The following AGFG2 variants were observed in gnomAD, a reference collection of about 807,000 sequenced individuals.
AGFG2 encodes arf-GAP domain and FG repeat-containing protein 2.
Under a neutral mutation model 48.0 loss-of-function variants are expected in AGFG2, and 31 were observed. That is an observed-to-expected ratio of 0.65 (90% confidence interval 0.49 to 0.87). The LOEUF (loss-of-function observed/expected upper bound fraction) is 0.87, where lower values mean the gene tolerates loss of function less well. Among genes scored for constraint, AGFG2 ranks in the 40% least tolerant of loss-of-function variants. The probability of loss-of-function intolerance (pLI) is 0.00; values close to 1 mark genes in which losing one functional copy is unlikely to be tolerated. For missense variants in AGFG2, 599 were observed against 632.6 expected (o/e 0.95, Z 0.57); for synonymous variants, 229 against 260.8 (o/e 0.88, Z 1.18).
rs1489900178 is a variant in AGFG2 at position 100,562,298 on chromosome 7, C to T, written c.917C>T (p.Ala306Val). 1 of 1,614,006 alleles carries T rather than the reference C, an allele frequency of 6.2e-7. No individual in the cohort carries two copies. The highest frequency in any genetic ancestry group is 2.2e-5 in the East Asian group (1 of 44,870). Residue 306 changes from alanine to valine, a missense_variant, in exon 7 of 12, where the codon GCA becomes GTA. Coordinates refer to ENST00000300176, the MANE Select transcript of AGFG2 (RefSeq NM_006076.5). This position sits in a 1 kb window ranked among gnomAD's most constrained non-coding sequence, Gnocchi z 5.4. ...QGTPFGATPL[A>V]PASQPNSLAD... ...ACTCCATTTGGTGCCACTCCCCTGG[C>T]ACCCGCCAGTCAGCCAAACAGCCTC...
rs113409791 is a variant in AGFG2, at chr7:100,558,862, G to A, written c.877+3127G>A. On this transcript the variant is annotated intron_variant, in intron 6 of 11. Transcript: ENST00000300176. ...CTCAAAAAGCAGTCAGTCACTGGGC[G>A]CAGTGGCTCATACCTGTAATCCCGG... Among the ~76,000 whole-genome samples, 384 of 152,244 alleles carry A rather than the reference G, an allele frequency of 2.5e-3. 5 individuals carry two copies. Among genetic ancestry groups the A allele is most frequent in the African/African-American group, 8.4e-3 (350 of 41,532 alleles).
intron 6 of AGFG2, among the ~76,000 whole-genome samples, chr7:100,560,664 CTCAG>C (rs1191986850): frequency 1.3e-5 from 2 of 152,168 alleles, no homozygotes; most frequent in East Asian, 3.8e-4. Context: ...AGTGCCGACA[CTCAG>C]TGAGAGGGAG....
chr7:100,553,310 A>G (rs1397250218), intron 3 of AGFG2, 37 bp from the exon 4 acceptor site: 3 of 1,613,058 alleles, frequency 1.9e-6, no homozygotes, highest in South Asian at 2.2e-5. Context: ...CCAAAGTTTT[A>G]TCCCTCTCTT....
Position 100,562,769 on chromosome 7 carries a change from T to C in AGFG2, c.1087+87T>C, listed in dbSNP as rs892262330. On this transcript the variant is annotated intron_variant, in intron 8 of 11. Coordinates refer to ENST00000300176, the MANE Select transcript of AGFG2 (RefSeq NM_006076.5). The surrounding 1 kb of genome is among the most constrained non-coding windows in gnomAD (Gnocchi z 5.4). ...CTGGACAGGGTGGGAAGGGGAGAGA[T>C]TGAGAGGAATGCTCAGGCATCACAG... 37 of 1,592,324 alleles carry C rather than the reference T, an allele frequency of 2.3e-5. No homozygotes were observed. The highest frequency in any genetic ancestry group is 2.9e-5 in the Non-Finnish European group (34 of 1,165,314).
At chr7:100,548,551 G>A (rs1348572655) in intron 1 of AGFG2, among the ~76,000 whole-genome samples, 2 of 152,118 alleles carry the variant, frequency 1.3e-5, no homozygotes, top group African/African-American at 4.8e-5. Context: ...GGCCTCAAGT[G>A]AGCTGCCTGC....
At chr7:100,542,875 G>A (rs530657686) in intron 1 of AGFG2, among the ~76,000 whole-genome samples, 28 of 152,252 alleles carry the variant, frequency 1.8e-4, no homozygotes, top group Admixed American at 8.5e-4. Context: ...CCTATCAAGC[G>A]CCAGACACTG....
At chr7:100,561,603 C>G (rs561320299) in intron 6 of AGFG2, among the ~76,000 whole-genome samples, 15 of 152,234 alleles carry the variant, frequency 9.9e-5, no homozygotes, top group Non-Finnish European at 1.9e-4. Context: ...GGACTCTTGG[C>G]CCTCAGCTGT....
In AGFG2 at chr7:100,554,259, G is replaced by T; in HGVS notation, c.751+1G>T. 6.2e-7 allele frequency: 1 copy of T among 1,610,952 alleles called. No individual in the cohort carries two copies. Among genetic ancestry groups the T allele is most frequent in the Non-Finnish European group, 8.5e-7 (1 of 1,178,360 alleles). On this transcript the variant is annotated splice_donor_variant, in intron 5 of 11. Coordinates refer to ENST00000300176, the MANE Select transcript of AGFG2 (RefSeq NM_006076.5). LOFTEE classifies it high-confidence loss of function. ...TTTGCTGCATTCCCTGCCTTTGGGG[G>T]TAAGTGGGTTTTGGGATGGGACCCT...
chr7:100,558,952 A>G (rs541882556), intron 6 of AGFG2, among the ~76,000 whole-genome samples: 3 of 152,156 alleles, frequency 2.0e-5, no homozygotes, highest in South Asian at 4.1e-4. Context: ...CCTGGCCTAC[A>G]TGGTGAAACC....
intron 2 of AGFG2, 93 bp from the exon 3 acceptor site, chr7:100,550,303 C>G: frequency 1.4e-6 from 1 of 713,312 alleles, no homozygotes; most frequent in Non-Finnish European, 2.1e-6. Flanking sequence ...GAGACTCCGT[C>G]TCAAAAAAAA....
rs756715108 is a variant in AGFG2, at chr7:100,539,398, G to A, written c.52G>A (p.Gly18Ser). ...GPGPGGGVSGGKAEAEAASEV... is the reference protein window; with the variant it reads ...GPGPGGGVSGSKAEAEAASEV... ...GGGCCCGGGCGGCGGGGTCAGCGGG[G>A]GCAAGGCGGAGGCGGAGGCGGCCTC... Residue 18 changes from glycine (G) to serine (S), a missense_variant, in exon 1 of 12, where the codon GGC becomes AGC. Physicochemically the swap from Gly to Ser is moderately conservative, Grantham distance 56 (BLOSUM62 0). Coordinates refer to ENST00000300176, the MANE Select transcript of AGFG2 (RefSeq NM_006076.5). 7.6e-6 allele frequency: 10 copies of A among 1,311,676 alleles called. No homozygotes were observed. The highest frequency in any genetic ancestry group is 9.7e-6 in the Non-Finnish European group (10 of 1,027,350). 81.3% of individuals were successfully genotyped at this position (1,311,676 alleles called of 1,614,324 possible).
intron 9 of AGFG2, 79 bp downstream of exon 9, chr7:100,563,025 C>T (rs1286095341): frequency 2.2e-6 from 3 of 1,371,494 alleles, no homozygotes; most frequent in African/African-American, 2.9e-5. Context: ...TCTCCCTTAA[C>T]CCTTTGTCTC....
In AGFG2 at chr7:100,558,545, G is replaced by GT. The variant is rs36124305; in HGVS notation, c.877+2825dup. The stretch of plus-strand genomic sequence containing the variant: ...CAGAGTTTTTTTTGTTTTTGTTTTT[G>GT]TTTTTTTTTTTTTTTAGACGGAGTC... On this transcript the variant is annotated intron_variant, in intron 6 of 11. Transcript: ENST00000300176. Among the ~76,000 whole-genome samples the GT allele has an allele frequency of 4.8e-3, 648 of 135,406 alleles. 2 individuals are homozygous for GT. The highest frequency in any genetic ancestry group is 0.012 in the Middle Eastern group (3 of 252). The allele number at this position is 135,406 out of a possible 152,430, so 88.8% of individuals were successfully genotyped here. A position where few individuals can be genotyped will look rare whatever the true frequency, so the allele number is the denominator to read the frequency against.
In AGFG2 at chr7:100,565,320, G is replaced by A. The variant is rs1053220082; in HGVS notation, c.*329G>A. ...TCTTCCCTGGGCCTAGCTCGCCAGC[G>A]CTGTGCTCCTCATGGACGGGAGCGC... On this transcript the variant is annotated 3_prime_UTR_variant, in exon 12 of 12. Transcript: ENST00000300176. 7.7e-6 allele frequency: 3 copies of A among 391,648 alleles called. No homozygotes were observed. The highest frequency in any genetic ancestry group is 2.7e-5 in the South Asian group (1 of 36,650). The allele number at this position is 391,648 out of a possible 1,614,324, so 24.3% of individuals were successfully genotyped here.
At position 100,548,931 on chromosome 7, in the gene AGFG2, T is replaced by C. The variant is rs1410722382; in HGVS notation, c.315+16T>C. ...TGGAAATGAGGTGAGCTGCCACCGA[T>C]GGAGTGGTGAGAAGGTCACCTATCT... On this transcript the variant is annotated intron_variant, in intron 2 of 11. Transcript: ENST00000300176. The C allele has an allele frequency of 1.2e-6, 2 of 1,605,464 alleles. No homozygotes were observed. The highest frequency in any genetic ancestry group is 8.5e-7 in the Non-Finnish European group (1 of 1,172,806).
Position 100,564,981 on chromosome 7 carries a change from C to T in AGFG2, c.1436C>T (p.Pro479Leu), listed in dbSNP as rs1800973054. The T allele has an allele frequency of 1.9e-6, 3 of 1,614,082 alleles. No individual in the cohort carries two copies. Among genetic ancestry groups the T allele is most frequent in the Non-Finnish European group, 2.5e-6 (3 of 1,180,022 alleles). The change falls in exon 12 of 12, where the codon CCC becomes CTC. Residue 479 changes from proline to leucine, a missense_variant. Physicochemically the swap from Pro to Leu is moderately conservative, Grantham distance 98 (BLOSUM62 -3). Transcript: ENST00000300176. Reference sequence around the variant, plus strand: ...GCCTCCAAACCTCCAACCACCAACCCCTTCTTGTAGCACTGTGTTTTTGGG... The same window carrying T: ...GCCTCCAAACCTCCAACCACCAACCTCTTCTTGTAGCACTGTGTTTTTGGG... ...PFASKPPTTN[P>L]FL
At chr7:100,561,751 C>T (rs916321203) in intron 6 of AGFG2, among the ~76,000 whole-genome samples, 1 of 152,234 alleles carries the variant, frequency 6.6e-6, no homozygotes, top group Non-Finnish European at 1.5e-5. Context: ...GGGCGGCCTC[C>T]CGAGAAGCAG....
chr7:100,549,197 G>A (rs151193397), intron 2 of AGFG2, among the ~76,000 whole-genome samples: 30 of 152,300 alleles, frequency 2.0e-4, no homozygotes, highest in South Asian at 4.1e-4. Context: ...GCTCCAGAGC[G>A]TGAGCATTCA....
intron 3 of AGFG2, among the ~76,000 whole-genome samples, chr7:100,550,719 C>T (rs1476021493): frequency 6.6e-6 from 1 of 152,056 alleles, no homozygotes; most frequent in Non-Finnish European, 1.5e-5. Context: ...TATGTCCTCT[C>T]TTTTGGAGAG....
Sources: gnomAD v4.1 joint callset for allele counts (sites outside exome capture counted in the v4.1 genomes callset) on GRCh38, gnomAD v4.1.1 for gene constraint, Gnocchi (gnomAD v3.1) non-coding constraint, MANE v1.5 for transcripts, NCBI Gene and HGNC (gene_info 2026-07-23, HGNC 2026-07-21) for gene names.